Variants in ELAVL2 observed in about 807,000 individuals in gnomAD.
The protein encoded by ELAVL2 is ELAV like RNA binding protein 2, also known as ELAV-like protein 2.
In ELAVL2, 4 loss-of-function variants were observed where a neutral mutation model predicts 34.6. The observed-to-expected ratio is 0.12, with a 90% CI of 0.06 to 0.26. The LOEUF (loss-of-function observed/expected upper bound fraction) is 0.26, where lower values mean the gene tolerates loss of function less well. Ranked by LOEUF, ELAVL2 falls within the 10% of genes least tolerant of loss-of-function variation. The pLI is 1.00. For synonymous variants in ELAVL2, 193 were observed against 154.8 expected (o/e 1.25, Z -1.83); for missense variants, 432 against 442.8 (o/e 0.98, Z 0.22).
chr9:23,701,788 C>A (rs892893876), intron 4 of ELAVL2, among the ~76,000 whole-genome samples, 184 bp from the exon 5 acceptor site: 6 of 152,188 alleles, frequency 3.9e-5, no homozygotes, highest in African/African-American at 1.2e-4. Context: ...TTTAGAATCA[C>A]AATTTTGCAT....
chr9:23,792,007 T>A (rs1487137085), intron 1 of ELAVL2, among the ~76,000 whole-genome samples: 7 of 152,208 alleles, frequency 4.6e-5, no homozygotes, highest in Admixed American at 4.6e-4. Context: ...TTACATGGTT[T>A]GACTTAACAG....
At chr9:23,770,698 T>C (rs561844566) in intron 1 of ELAVL2, among the ~76,000 whole-genome samples, 17 of 152,328 alleles carry the variant, frequency 1.1e-4, no homozygotes, top group Non-Finnish European at 1.9e-4. Flanking sequence ...CTGGGAGGAA[T>C]GCAGCCCTGC....
chr9:23,744,963 G>A (rs888468344), intron 2 of ELAVL2, among the ~76,000 whole-genome samples: 21 of 152,134 alleles, frequency 1.4e-4, no homozygotes, highest in South Asian at 4.1e-4. Flanking sequence ...CCAGCACTTC[G>A]GGAGTCTGAG....
At chr9:23,706,868 T>A (rs1346358461) in intron 3 of ELAVL2, among the ~76,000 whole-genome samples, 1 of 152,190 alleles carries the variant, frequency 6.6e-6, no homozygotes. Context: ...GAAAAAAATA[T>A]AAGCCACATT....
chr9:23,719,921 G>GT (rs2043239157), intron 3 of ELAVL2, among the ~76,000 whole-genome samples: 1 of 151,554 alleles, frequency 6.6e-6, no homozygotes, highest in South Asian at 2.1e-4. Context: ...CGCCTCCCGG[G>GT]TTCAAGGGAT....
chr9:23,815,523 A>G (rs2063580484), intron 1 of ELAVL2, among the ~76,000 whole-genome samples: 1 of 152,218 alleles, frequency 6.6e-6, no homozygotes, highest in Non-Finnish European at 1.5e-5. Flanking sequence ...CCAAAAATAT[A>G]AAACTAATCA....
intron 2 of ELAVL2, among the ~76,000 whole-genome samples, chr9:23,754,376 G>A (rs1367211177): frequency 6.6e-6 from 1 of 151,966 alleles, no homozygotes; most frequent in African/African-American, 2.4e-5. Flanking sequence ...GATGTTAACT[G>A]GGAATTAACT....
At chr9:23,761,588 A>G (rs1313791530) in intron 2 of ELAVL2, among the ~76,000 whole-genome samples, 2 of 152,094 alleles carry the variant, frequency 1.3e-5, no homozygotes, top group Non-Finnish European at 2.9e-5. Flanking sequence ...TATCATATAT[A>G]AGCAAAATGA....
intron 1 of ELAVL2, among the ~76,000 whole-genome samples, chr9:23,791,274 C>G (rs527330115): frequency 2.0e-4 from 31 of 152,048 alleles, no homozygotes; most frequent in African/African-American, 7.2e-4. Context: ...CTTGACCAAT[C>G]GTAAAGATGA....
intron 1 of ELAVL2, among the ~76,000 whole-genome samples, chr9:23,800,783 T>C (rs2061483678): frequency 6.6e-6 from 1 of 152,192 alleles, no homozygotes; most frequent in African/African-American, 2.4e-5. Context: ...ACGTATGAAA[T>C]TTTTTATTCA....
chr9:23,798,412 C>G (rs952136147), intron 1 of ELAVL2, among the ~76,000 whole-genome samples: 1 of 152,084 alleles, frequency 6.6e-6, no homozygotes, highest in Non-Finnish European at 1.5e-5. Context: ...AATCACTCTA[C>G]GTGCCATTTC....
chr9:23,816,709 T>C (rs2063769493), intron 1 of ELAVL2, among the ~76,000 whole-genome samples: 1 of 152,094 alleles, frequency 6.6e-6, no homozygotes, highest in South Asian at 2.1e-4. Flanking sequence ...GGTAAGAGAC[T>C]CTCTCGATAT....
At chr9:23,777,980 C>A (rs981771592) in intron 1 of ELAVL2, among the ~76,000 whole-genome samples, 53 of 5,500 alleles carry the variant, frequency 9.6e-3, no homozygotes, top group Admixed American at 2.4e-3. Flanking sequence ...AGCCAGGTGG[C>A]CTACTCTGAA....
chr9:23,773,312 C>G (rs191512370), intron 1 of ELAVL2, among the ~76,000 whole-genome samples: 1 of 152,148 alleles, frequency 6.6e-6, no homozygotes, highest in Non-Finnish European at 1.5e-5. Flanking sequence ...CAGGCACATA[C>G]ACCCAATTTC....
chr9:23,711,033 G>T (rs866642680), intron 3 of ELAVL2, among the ~76,000 whole-genome samples: 8 of 152,026 alleles, frequency 5.3e-5, no homozygotes, highest in Admixed American at 3.9e-4. Context: ...ACACATCAAG[G>T]CATACATGTA....
chr9:23,753,944 G>A (rs1219060467), intron 2 of ELAVL2, among the ~76,000 whole-genome samples: 2 of 152,152 alleles, frequency 1.3e-5, no homozygotes, highest in East Asian at 1.9e-4. Context: ...CAAAGAGAAA[G>A]GTTACTGAAG....
At chr9:23,806,806 T>C in intron 1 of ELAVL2, among the ~76,000 whole-genome samples, 1 of 152,150 alleles carries the variant, frequency 6.6e-6, no homozygotes, top group Non-Finnish European at 1.5e-5. Context: ...GGGAAGTTGT[T>C]ACCCCAAGTG....
chr9:23,835,251 G>T, the ELAVL2 span, among the ~76,000 whole-genome samples: 26 of 151,904 alleles, frequency 1.7e-4, no homozygotes, highest in African/African-American at 6.0e-4. Flanking sequence ...AAAATATTTT[G>T]ATTTTATGTT....
intron 3 of ELAVL2, 75 bp downstream of exon 3, chr9:23,730,947 G>C (rs1156757488): frequency 8.7e-6 from 12 of 1,374,620 alleles, no homozygotes; most frequent in Non-Finnish European, 1.1e-5. Flanking sequence ...AGGAAGAAAG[G>C]AAAGAACTAC....
Sources: gnomAD v4.1 joint callset for allele counts (sites outside exome capture counted in the v4.1 genomes callset) on GRCh38, gnomAD v4.1.1 for gene constraint, MANE v1.5 for transcripts, NCBI Gene and HGNC (gene_info 2026-07-23, HGNC 2026-07-21) for gene names.